Variants in BCKDHB observed in about 807,000 individuals in gnomAD.
BCKDHB encodes the protein 2-oxoisovalerate dehydrogenase subunit beta, mitochondrial.
Under a neutral mutation model 48.5 loss-of-function variants are expected in BCKDHB, and 41 were observed. The observed-to-expected ratio is 0.85, with a 90% CI of 0.66 to 1.10. The LOEUF is 1.10. Ranked by LOEUF, BCKDHB falls within the 50% of genes least tolerant of loss-of-function variation. The pLI, the probability that BCKDHB is intolerant of heterozygous loss-of-function variation, is 0.00. For missense variants in BCKDHB, 496 were observed against 494.2 expected (o/e 1.00, Z -0.03); for synonymous variants, 201 against 174.8 (o/e 1.15, Z -1.18).
chr6:80,230,719 G>C (rs1462753896), intron 8 of BCKDHB, among the ~76,000 whole-genome samples: 6 of 152,158 alleles, frequency 3.9e-5, no homozygotes, highest in Non-Finnish European at 8.8e-5. Flanking sequence ...TGAGGTGCCT[G>C]CATCTGGCAA....
chr6:80,422,198 C>G, the BCKDHB span, among the ~76,000 whole-genome samples: 2 of 152,216 alleles, frequency 1.3e-5, no homozygotes, highest in Non-Finnish European at 2.9e-5. Context: ...ACCAAAGTAT[C>G]ACAGGAGCCA....
At chr6:80,443,711 T>A in the BCKDHB span, among the ~76,000 whole-genome samples, 1 of 152,176 alleles carries the variant, frequency 6.6e-6, no homozygotes, top group South Asian at 2.1e-4. Context: ...GGTCTCATCA[T>A]GTTGCCCAGG....
chr6:80,415,966 T>C, the BCKDHB span, among the ~76,000 whole-genome samples: 1 of 152,248 alleles, frequency 6.6e-6, no homozygotes, highest in East Asian at 1.9e-4. Context: ...ATTGATCTGT[T>C]CAGAAATTCA....
At chr6:80,296,051 A>G (rs532232375) in intron 9 of BCKDHB, among the ~76,000 whole-genome samples, 1 of 152,376 alleles carries the variant, frequency 6.6e-6, no homozygotes, top group Non-Finnish European at 1.5e-5. Flanking sequence ...CAAAGTCAAC[A>G]AGATTACTTT....
At chr6:80,257,863 C>T (rs1003404989) in intron 8 of BCKDHB, among the ~76,000 whole-genome samples, 4 of 152,136 alleles carry the variant, frequency 2.6e-5, no homozygotes, top group Non-Finnish European at 4.4e-5. Context: ...ACCTTTTCTC[C>T]TTTTTTCCTT....
intron 1 of BCKDHB, among the ~76,000 whole-genome samples, chr6:80,107,778 G>C (rs985690363): frequency 1.1e-4 from 16 of 151,846 alleles, no homozygotes; most frequent in African/African-American, 3.9e-4. Flanking sequence ...CATAGGAAGG[G>C]CATGTAGCAA....
intron 8 of BCKDHB, among the ~76,000 whole-genome samples, chr6:80,205,313 T>C (rs1774590905): frequency 1.3e-5 from 2 of 152,086 alleles, no homozygotes; most frequent in Non-Finnish European, 2.9e-5. Flanking sequence ...TATAATCTCT[T>C]TTAATTAGCT....
chr6:80,251,520 G>A (rs796554864), intron 8 of BCKDHB, among the ~76,000 whole-genome samples: 12 of 152,248 alleles, frequency 7.9e-5, no homozygotes, highest in African/African-American at 2.9e-4. Context: ...GTCCCTGAAG[G>A]GGGTGTAAAT....
At chr6:80,465,211 A>G in the BCKDHB span, among the ~76,000 whole-genome samples, 1 of 152,192 alleles carries the variant, frequency 6.6e-6, no homozygotes, top group Non-Finnish European at 1.5e-5. Context: ...GGTTAGTTTT[A>G]AAAGGCTGAC....
the BCKDHB span, among the ~76,000 whole-genome samples, chr6:80,435,552 T>C: frequency 1.3e-5 from 2 of 152,224 alleles, no homozygotes; most frequent in Non-Finnish European, 2.9e-5. Context: ...TTCATTGTGG[T>C]AGATTGTGAA....
intron 4 of BCKDHB, 146 bp from the exon 5 acceptor site, chr6:80,168,729 A>C (rs1772716589): frequency 5.9e-6 from 5 of 844,294 alleles, no homozygotes; most frequent in Non-Finnish European, 9.4e-6. Context: ...GAAGGAAGGA[A>C]GAGGGGGAGG....
chr6:80,327,951 A>C (rs1304826889), intron 9 of BCKDHB, among the ~76,000 whole-genome samples: 4 of 92,796 alleles, frequency 4.3e-5, no homozygotes, highest in Non-Finnish European at 5.9e-5. Context: ...CCTTCCTTTC[A>C]TTTTTTCTCT....
At position 80,198,815 on chromosome 6, in the gene BCKDHB, A is replaced by G. The variant is rs59181916; in HGVS notation, c.743-2119A>G. On this transcript the variant is annotated intron_variant, in intron 6 of 9. Coordinates refer to ENST00000320393, the MANE Select transcript of BCKDHB (RefSeq NM_183050.4). ...TCTTAGTTTTCAAGCAAATGAAATCAACTCTCCAATATAAGCGGAAGAAAT... is the reference window on the plus strand; with the variant it reads ...TCTTAGTTTTCAAGCAAATGAAATCGACTCTCCAATATAAGCGGAAGAAAT... Among the ~76,000 whole-genome samples the G allele has an allele frequency of 5.2e-3, 792 of 152,320 alleles. 9 individuals are homozygous for G. Among genetic ancestry groups the G allele is most frequent in the African/African-American group, 0.018 (760 of 41,564 alleles).
chr6:80,352,151 G>GT, the BCKDHB span, among the ~76,000 whole-genome samples: 40,279 of 147,162 alleles, frequency 0.27, 5,826 homozygotes, highest in Non-Finnish European at 0.34. Context: ...TGTTGTTGTT[G>GT]TTTTTTTTTT....
chr6:80,165,142 CAAT>C (rs1772508761), intron 3 of BCKDHB, among the ~76,000 whole-genome samples: 1 of 152,138 alleles, frequency 6.6e-6, no homozygotes, highest in Non-Finnish European at 1.5e-5. Flanking sequence ...AGCAAGGAAT[CAAT>C]AAGAATGCTG....
At chr6:80,451,177 G>T in the BCKDHB span, among the ~76,000 whole-genome samples, 2 of 152,134 alleles carry the variant, frequency 1.3e-5, no homozygotes, top group Non-Finnish European at 2.9e-5. Flanking sequence ...ATAAATCATA[G>T]TAGGACCAAT....
chr6:80,347,546 T>C (rs1460913740), downstream of BCKDHB, among the ~76,000 whole-genome samples: 1 of 152,236 alleles, frequency 6.6e-6, no homozygotes, highest in African/African-American at 2.4e-5. Context: ...TAATTTGTTA[T>C]GGCTGTTGTA....
intron 3 of BCKDHB, among the ~76,000 whole-genome samples, chr6:80,129,793 C>A (rs1770539226): frequency 6.6e-6 from 1 of 152,122 alleles, no homozygotes; most frequent in Non-Finnish European, 1.5e-5. Context: ...GCAGTCTTTT[C>A]TCTTAAGGCC....
intron 2 of BCKDHB, 131 bp downstream of exon 2, chr6:80,127,755 C>A (rs1770422388): frequency 1.1e-6 from 1 of 882,402 alleles, no homozygotes; most frequent in Admixed American, 1.7e-5. Context: ...ATGATTGGGG[C>A]TAAATAATCA....
Sources: allele counts gnomAD v4.1 joint callset (sites outside exome capture counted in the v4.1 genomes callset), GRCh38; gene constraint gnomAD v4.1.1; transcripts MANE v1.5; gene names NCBI Gene and HGNC (gene_info 2026-07-23, HGNC 2026-07-21).